The following HSPA13 variants were observed in gnomAD, a reference collection of about 807,000 sequenced individuals.
HSPA13 encodes the protein heat shock protein family A (Hsp70) member 13, also known as heat shock 70 kDa protein 13.
In HSPA13, 29 loss-of-function variants were observed where a neutral mutation model predicts 38.8. The ratio of observed to expected loss-of-function variants is 0.75; its 90% CI spans 0.56 to 1.02. HSPA13 has a LOEUF of 1.02. HSPA13 is among the 50% of genes least tolerant of loss of function. The pLI, the probability that HSPA13 is intolerant of heterozygous loss-of-function variation, is 0.00. For synonymous variants in HSPA13, 192 were observed against 205.3 expected, an observed-to-expected ratio of 0.94 and a Z score of 0.56; for missense variants, 451 against 560.9, an observed-to-expected ratio of 0.80 and a Z score of 1.98.
rs1323817974 is a variant in HSPA13, at chr21:14,371,557, G to C, written c.*2060C>G. ...AAGACATTCCTTCATTTTATTAAAG[G>C]TGTAGCTATATACTAGAGAATATGC... On this transcript the variant is annotated 3_prime_UTR_variant, in exon 5 of 5. Transcript: ENST00000285667. 6.6e-6 allele frequency: 1 copy of C among 151,964 alleles called. No homozygotes were observed. Among genetic ancestry groups the C allele is most frequent in the Admixed American group, 6.6e-5 (1 of 15,250 alleles). 9.4% of individuals were successfully genotyped at this position (151,964 alleles called of 1,614,324 possible).
rs1982834487 is a variant in HSPA13, at chr21:14,371,873, A to G, written c.*1744T>C. The G allele has an allele frequency of 6.6e-6, 1 of 152,530 alleles. No individual in the cohort carries two copies. Among genetic ancestry groups the G allele is most frequent in the Admixed American group, 6.5e-5 (1 of 15,274 alleles). 9.4% of individuals were successfully genotyped at this position (152,530 alleles called of 1,614,324 possible). Reference sequence around the variant, plus strand: ...TCTAAAATCTATTACAGATTTATATAAAGTCCAAGAGAACATGTGAAATAT... The same window carrying G: ...TCTAAAATCTATTACAGATTTATATGAAGTCCAAGAGAACATGTGAAATAT... On this transcript the variant is annotated 3_prime_UTR_variant, in exon 5 of 5. Transcript: ENST00000285667.
At position 14,381,561 on chromosome 21, in the gene HSPA13, T is replaced by C; in HGVS notation, c.26-18A>G. 2 of 1,564,306 alleles carry C rather than the reference T, an allele frequency of 1.3e-6. No individual in the cohort carries two copies. Among genetic ancestry groups the C allele is most frequent in the South Asian group, 2.3e-5 (2 of 86,494 alleles). On this transcript the variant is annotated intron_variant, in intron 1 of 4. Coordinates refer to ENST00000285667, the MANE Select transcript of HSPA13 (RefSeq NM_006948.5). Reference sequence around the variant, plus strand: ...AGCCGATCCTGAAATAAAGGAAAATTAAAAGATGTATTTTATCAAACTAGT... The same window carrying C: ...AGCCGATCCTGAAATAAAGGAAAATCAAAAGATGTATTTTATCAAACTAGT...
chr21:14,381,134 G>A, intron 2 of HSPA13, 69 bp downstream of exon 2: 2 of 1,164,502 alleles, frequency 1.7e-6, no homozygotes. Context: ...AATGTTTTGT[G>A]ACATGAAGCC....
chr21:14,374,799 G>A (rs535199786), intron 4 of HSPA13, among the ~76,000 whole-genome samples: 22 of 152,126 alleles, frequency 1.4e-4, no homozygotes, highest in Non-Finnish European at 2.2e-4. Flanking sequence ...ACAGAAGAAA[G>A]TGCTTCTTAT....
chr21:14,375,560 C>A (rs1983999530), intron 4 of HSPA13, 92 bp downstream of exon 4: 4 of 902,846 alleles, frequency 4.4e-6, no homozygotes. Context: ...TCTCGATCTC[C>A]CCATCTCGTG....
At chr21:14,374,341 G>T in intron 4 of HSPA13, 57 bp from the exon 5 acceptor site, 1 of 1,201,292 alleles carries the variant, frequency 8.3e-7, no homozygotes, top group Non-Finnish European at 1.2e-6. Context: ...ATGTATACAC[G>T]TATGTTATTA....
intron 4 of HSPA13, among the ~76,000 whole-genome samples, chr21:14,375,069 C>T (rs1288518654): frequency 6.6e-6 from 1 of 152,006 alleles, no homozygotes; most frequent in Non-Finnish European, 1.5e-5. Context: ...AAAATAAAAA[C>T]GTTTAAAAAA....
In HSPA13 at chr21:14,374,193, A is replaced by G. The variant is rs760873332; in HGVS notation, c.840T>C (p.Ser280=). Residue 280 remains serine, a synonymous_variant, in exon 5 of 5, where the codon TCT becomes TCC. Coordinates refer to ENST00000285667, the MANE Select transcript of HSPA13 (RefSeq NM_006948.5). The stretch of plus-strand genomic sequence containing the variant: ...TCAATCTGTGGATTTCCTCTTTCCT[A>G]GAGGGCACGAAGCCATATGTTTGAT... The part of the protein sequence containing the change: ...QIYQTYGFVP[S]RKEEIHRLRQ... The G allele has an allele frequency of 6.2e-7, 1 of 1,613,630 alleles. No homozygotes were observed. Among genetic ancestry groups the G allele is most frequent in the Non-Finnish European group, 8.5e-7 (1 of 1,180,026 alleles).
At chr21:14,375,942 G>T in intron 3 of HSPA13, 123 bp from the exon 4 acceptor site, 1 of 670,810 alleles carries the variant, frequency 1.5e-6, no homozygotes, top group Non-Finnish European at 2.6e-6. Context: ...AATGAGAGCA[G>T]TCACAAACCG....
At chr21:14,374,499 G>C (rs953180635) in intron 4 of HSPA13, among the ~76,000 whole-genome samples, 2 of 152,166 alleles carry the variant, frequency 1.3e-5, no homozygotes, top group African/African-American at 4.8e-5. Context: ...GAAGGCTGAG[G>C]TGGGAGGGTT....
Position 14,381,330 on chromosome 21 carries a change from A to G in HSPA13, c.239T>C (p.Val80Ala), listed in dbSNP as rs770280456. Residue 80 changes from valine (V) to alanine (A), a missense_variant, in exon 2 of 5, where the codon GTG (valine) becomes GCG (alanine). Physicochemically the swap from Val to Ala is moderately conservative, Grantham distance 64 (BLOSUM62 0). Coordinates refer to ENST00000285667, the MANE Select transcript of HSPA13 (RefSeq NM_006948.5). ...MVSFTDNDVY[V>A]GYESVELADS... The stretch of plus-strand genomic sequence containing the variant: ...TGCCAGCTCTACGCTTTCATATCCC[A>G]CATATACATCATTGTCAGTAAAAGA... 6.2e-7 allele frequency: 1 copy of G among 1,614,040 alleles called. No homozygotes were observed.
chr21:14,378,549 T>C (rs2822643), intron 2 of HSPA13, 137 bp from the exon 3 acceptor site: 39,212 of 616,548 alleles, frequency 0.064, 2,866 homozygotes, highest in African/African-American at 0.29. Flanking sequence ...GAAATCTATC[T>C]AGTACATTTA....
chr21:14,373,530 A>C lies in HSPA13; in HGVS notation c.*87T>G. 8.6e-7 allele frequency: 1 copy of C among 1,165,540 alleles called. No homozygotes were observed. Among genetic ancestry groups the C allele is most frequent in the South Asian group, 1.5e-5 (1 of 65,220 alleles). The allele number at this position is 1,165,540 out of a possible 1,614,324, so 72.2% of individuals were successfully genotyped here. ...CCTCTAGGTAAATCTGTGATATTTTAGAGACTTTCTTTTGTGGAAAAGGTA... is the reference window on the plus strand; with the variant it reads ...CCTCTAGGTAAATCTGTGATATTTTCGAGACTTTCTTTTGTGGAAAAGGTA... On this transcript the variant is annotated 3_prime_UTR_variant, in exon 5 of 5. Transcript: ENST00000285667.
At chr21:14,375,887 A>ATGCTGTAAGTGG in intron 3 of HSPA13, 68 bp from the exon 4 acceptor site, 1 of 1,298,218 alleles carries the variant, frequency 7.7e-7, no homozygotes, top group Non-Finnish European at 1.1e-6. Flanking sequence ...TCCCACTTAC[A>ATGCTGTAAGTGG]GCATGTTTGT....
intron 3 of HSPA13, among the ~76,000 whole-genome samples, chr21:14,376,507 G>C (rs1984031566): frequency 6.6e-6 from 1 of 152,216 alleles, no homozygotes; most frequent in Non-Finnish European, 1.5e-5. Flanking sequence ...TAAAAGATCA[G>C]GTTTCTTTGA....
rs1982863579 is a variant in HSPA13 at position 14,373,053 on chromosome 21, C to T, written c.*564G>A. 6.6e-6 allele frequency: 1 copy of T among 152,506 alleles called. No individual in the cohort carries two copies. The highest frequency in any genetic ancestry group is 1.5e-5 in the Non-Finnish European group (1 of 68,280). The allele number at this position is 152,506 out of a possible 1,614,324, so 9.4% of individuals were successfully genotyped here. A position where few individuals can be genotyped will look rare whatever the true frequency, so the allele number is the denominator to read the frequency against. On this transcript the variant is annotated 3_prime_UTR_variant, in exon 5 of 5. Transcript: ENST00000285667. ...CAGATTACAAGAATATGACACTTAA[C>T]AGGATACTGAATTTGTGAATGTAAA... is the stretch of plus-strand genomic sequence containing the variant.
chr21:14,373,415 G>T lies in HSPA13; in HGVS notation c.*202C>A. On this transcript the variant is annotated 3_prime_UTR_variant, in exon 5 of 5. Transcript: ENST00000285667. Reference sequence around the variant, plus strand: ...TCATTTTAGAGTATTTGTTAGAATAGGATCTCTCCAAAATCAAACAGGATC... The same window carrying T: ...TCATTTTAGAGTATTTGTTAGAATATGATCTCTCCAAAATCAAACAGGATC... 1.8e-6 allele frequency: 1 copy of T among 542,768 alleles called. No individual in the cohort carries two copies. The highest frequency in any genetic ancestry group is 3.3e-6 in the Non-Finnish European group (1 of 306,474). The allele number at this position is 542,768 out of a possible 1,614,324, so 33.6% of individuals were successfully genotyped here.
chr21:14,373,978 T>C lies in HSPA13; in HGVS notation c.1055A>G (p.Lys352Arg), dbSNP rs755088529. 4.3e-6 allele frequency: 7 copies of C among 1,614,218 alleles called. No individual in the cohort carries two copies. In the South Asian group the frequency reaches 7.7e-5, roughly 18 times the overall value. Reference protein sequence around the residue: ...NSGFGRGLSDKKSGESQVLFE... With the variant: ...NSGFGRGLSDRKSGESQVLFE... ...TAAAACCTGACTTTCTCCACTTTTC[T>C]TATCAGAAAGGCCACGTCCAAACCC... is the stretch of plus-strand genomic sequence containing the variant. The change falls in exon 5 of 5, where the codon AAG (lysine) becomes AGG (arginine). Residue 352 changes from lysine (K) to arginine (R), a missense_variant. Coordinates refer to ENST00000285667, the MANE Select transcript of HSPA13 (RefSeq NM_006948.5).
intron 2 of HSPA13, among the ~76,000 whole-genome samples, chr21:14,379,383 G>C (rs1437027868): frequency 6.6e-6 from 1 of 151,990 alleles, no homozygotes; most frequent in East Asian, 1.9e-4. Flanking sequence ...CTCACTTCAG[G>C]CCTCATAGTT....
Sources: gnomAD v4.1 joint callset for allele counts (sites outside exome capture counted in the v4.1 genomes callset) on GRCh38, gnomAD v4.1.1 for gene constraint, MANE v1.5 for transcripts, NCBI Gene and HGNC (gene_info 2026-07-23, HGNC 2026-07-21) for gene names.